PAFAH1B1: variants seen among roughly 807,000 people sequenced by gnomAD.
PAFAH1B1 encodes platelet activating factor acetylhydrolase 1b regulatory subunit 1.
A neutral mutation model predicts 57.5 loss-of-function variants in PAFAH1B1; 2 were observed. The observed-to-expected ratio is 0.03, with a 90% confidence interval of 0.01 to 0.11. The LOEUF is 0.11. Ranked by LOEUF, PAFAH1B1 falls within the 10% of genes least tolerant of loss-of-function variation. The pLI, the probability that PAFAH1B1 is intolerant of heterozygous loss-of-function variation, is 1.00. For synonymous variants in PAFAH1B1, 152 were observed against 169.6 expected (o/e 0.90, Z 0.81); for missense variants, 257 against 512.0 (o/e 0.50, Z 4.81).
At chr17:2,666,839 A>T (rs983415131) in intron 4 of PAFAH1B1, among the ~76,000 whole-genome samples, 153 bp from the exon 5 acceptor site, 2 of 152,160 alleles carry the variant, frequency 1.3e-5, no homozygotes, top group Admixed American at 6.6e-5. Flanking sequence ...AAAATAAATA[A>T]TTTTCATTTA....
At chr17:2,676,153 C>G (rs933067925) in intron 8 of PAFAH1B1, among the ~76,000 whole-genome samples, 2 of 152,246 alleles carry the variant, frequency 1.3e-5, no homozygotes, top group Admixed American at 6.5e-5. Context: ...GTGGGCCGAT[C>G]GATCATCTGA....
At chr17:2,604,587 G>A (rs986891037) in intron 1 of PAFAH1B1, among the ~76,000 whole-genome samples, 4 of 152,130 alleles carry the variant, frequency 2.6e-5, no homozygotes, top group Non-Finnish European at 5.9e-5. Context: ...GAGGTGGGTG[G>A]ATCACTTGAC....
At chr17:2,665,727 G>A (rs974380376) in intron 3 of PAFAH1B1, among the ~76,000 whole-genome samples, 4 of 151,844 alleles carry the variant, frequency 2.6e-5, no homozygotes, top group Admixed American at 2.6e-4. Context: ...TCAGCCTTCC[G>A]AGTAGCTGGG....
chr17:2,665,232 T>A (rs547786285), intron 2 of PAFAH1B1, 140 bp from the exon 3 acceptor site: 1 of 647,796 alleles, frequency 1.5e-6, no homozygotes, highest in African/African-American at 1.8e-5. Context: ...GTGTCCTTTT[T>A]AATGAAATAC....
At chr17:2,635,121 C>T (rs545746065) in intron 1 of PAFAH1B1, among the ~76,000 whole-genome samples, 50 of 151,476 alleles carry the variant, frequency 3.3e-4, no homozygotes, top group African/African-American at 1.2e-3. Context: ...TGAGATTGTG[C>T]CAGTGCCCTC....
At chr17:2,607,906 G>T (rs946843803) in intron 1 of PAFAH1B1, among the ~76,000 whole-genome samples, 1 of 151,986 alleles carries the variant, frequency 6.6e-6, no homozygotes, top group South Asian at 2.1e-4. Context: ...CTATATTTGG[G>T]TGTATCTATA....
At chr17:2,674,539 C>T (rs2069233204) in intron 8 of PAFAH1B1, among the ~76,000 whole-genome samples, 1 of 152,114 alleles carries the variant, frequency 6.6e-6, no homozygotes, top group South Asian at 2.1e-4. Context: ...TAAAATTTAT[C>T]AGAAAAATCA....
At chr17:2,653,464 A>G (rs2068894668) in intron 2 of PAFAH1B1, among the ~76,000 whole-genome samples, 1 of 152,028 alleles carries the variant, frequency 6.6e-6, no homozygotes, top group Admixed American at 6.6e-5. Context: ...TTTGTGATCT[A>G]TAATAAGGCA....
At chr17:2,599,349 A>G (rs1008422416) in intron 1 of PAFAH1B1, among the ~76,000 whole-genome samples, 14 of 152,184 alleles carry the variant, frequency 9.2e-5, no homozygotes, top group Admixed American at 6.5e-5. Context: ...CCTTCTTTCT[A>G]TAACGATTGG....
chr17:2,633,907 A>G (rs2068587546), intron 1 of PAFAH1B1, among the ~76,000 whole-genome samples: 1 of 150,504 alleles, frequency 6.6e-6, no homozygotes, highest in African/African-American at 2.4e-5. Flanking sequence ...TCCATGGGTA[A>G]TCTTACCATC....
At chr17:2,606,486 C>T (rs534658378) in intron 1 of PAFAH1B1, among the ~76,000 whole-genome samples, 1 of 152,138 alleles carries the variant, frequency 6.6e-6, no homozygotes, top group South Asian at 2.1e-4. Flanking sequence ...CCTCAGCATC[C>T]TGAGTAGCTG....
intron 1 of PAFAH1B1, among the ~76,000 whole-genome samples, chr17:2,600,312 G>A (rs1357587779): frequency 6.6e-6 from 1 of 151,906 alleles, no homozygotes; most frequent in East Asian, 1.9e-4. Context: ...TGTGGTTCAT[G>A]CCTGTAATCC....
chr17:2,642,942 C>T (rs1280975919), intron 2 of PAFAH1B1, among the ~76,000 whole-genome samples: 2 of 152,156 alleles, frequency 1.3e-5, no homozygotes, highest in South Asian at 2.1e-4. Flanking sequence ...TTACTCTCTT[C>T]TGAATCCCTT....
intron 1 of PAFAH1B1, among the ~76,000 whole-genome samples, chr17:2,634,426 C>G (rs988488726): frequency 6.6e-6 from 1 of 152,168 alleles, no homozygotes; most frequent in Admixed American, 6.5e-5. Context: ...CATGAGCCAC[C>G]GCGCCCAGTC....
chr17:2,660,047 T>C (rs2068994075), intron 2 of PAFAH1B1, among the ~76,000 whole-genome samples: 1 of 152,078 alleles, frequency 6.6e-6, no homozygotes, highest in Non-Finnish European at 1.5e-5. Context: ...TAAGGATGAC[T>C]CCATGTGTGC....
Position 2,680,211 on chromosome 17 carries a change from G to A in PAFAH1B1, c.1050G>A (p.Gly350=), listed in dbSNP as rs2151673884. The part of the protein sequence containing the change: ...WVRGVLFHSG[G]KFILSCADDK... ...GTGGAGTTCTGTTCCATTCTGGGGG[G>A]AAGTTTATTTTGAGTTGTGCTGATG... The change falls in exon 10 of 11, where the codon GGG becomes GGA. Residue 350 remains glycine (G), a synonymous_variant. Transcript: ENST00000397195. 3 of 1,614,108 alleles carry A rather than the reference G, an allele frequency of 1.9e-6. No individual in the cohort carries two copies. Among genetic ancestry groups the A allele is most frequent in the Non-Finnish European group, 2.5e-6 (3 of 1,179,994 alleles).
intron 2 of PAFAH1B1, among the ~76,000 whole-genome samples, chr17:2,657,657 C>T (rs1704018614): frequency 6.6e-6 from 1 of 152,192 alleles, no homozygotes; most frequent in South Asian, 2.1e-4. Context: ...CTTACTATTT[C>T]CTTTAAGTCC....
intron 1 of PAFAH1B1, among the ~76,000 whole-genome samples, chr17:2,610,477 A>G (rs1162844348): frequency 6.6e-6 from 1 of 152,236 alleles, no homozygotes; most frequent in Non-Finnish European, 1.5e-5. Flanking sequence ...AAGATACAAA[A>G]TAACTAGATA....
chr17:2,625,023 AT>A (rs57933573), intron 1 of PAFAH1B1, among the ~76,000 whole-genome samples: 1,663 of 142,910 alleles, frequency 0.012, 26 homozygotes, highest in South Asian at 0.018. Flanking sequence ...TATACTTTCT[AT>A]TTTTTTTTTT....
Sources: allele counts gnomAD v4.1 joint callset (sites outside exome capture counted in the v4.1 genomes callset), GRCh38; gene constraint gnomAD v4.1.1; transcripts MANE v1.5; gene names NCBI Gene and HGNC (gene_info 2026-07-23, HGNC 2026-07-21).